ATP8A2: variants seen among roughly 807,000 people sequenced by gnomAD.
ATP8A2 encodes ATPase phospholipid transporting 8A2.
Under a neutral mutation model 165.6 loss-of-function variants are expected in ATP8A2, and 100 were observed. That is an observed-to-expected ratio of 0.60 (90% CI 0.51 to 0.71). The LOEUF (loss-of-function observed/expected upper bound fraction) is 0.71, where lower values mean the gene tolerates loss of function less well. ATP8A2 is among the 30% of genes least tolerant of loss of function. ATP8A2 has a pLI of 0.00. For missense variants in ATP8A2, 1,227 were observed against 1,479.5 expected (o/e 0.83, Z 2.80); for synonymous variants, 543 against 548.8 (o/e 0.99, Z 0.15).
intron 1 of ATP8A2, among the ~76,000 whole-genome samples, chr13:25,404,427 G>A (rs903136757): frequency 2.0e-5 from 3 of 152,154 alleles, no homozygotes; most frequent in Admixed American, 1.3e-4. Flanking sequence ...GGATGTGACC[G>A]TGCCACAATG....
At chr13:26,015,359 A>G (rs759240528) in intron 36 of ATP8A2, among the ~76,000 whole-genome samples, 4 of 152,166 alleles carry the variant, frequency 2.6e-5, no homozygotes, top group Non-Finnish European at 4.4e-5. Flanking sequence ...TGTCCAGGAA[A>G]CTAGCAGGAA....
chr13:25,511,428 C>G (rs1319073770), intron 2 of ATP8A2, among the ~76,000 whole-genome samples: 1 of 152,222 alleles, frequency 6.6e-6, no homozygotes, highest in Non-Finnish European at 1.5e-5. Context: ...CCAGAACTTT[C>G]TCACTGCTTT....
rs532091861 is a variant in ATP8A2 at position 25,908,053 on chromosome 13, T to C, written c.3183+45645T>C. ...AAAAGTTCGGTGATGACAAATGAAC[T>C]CTACAGTCTGGCATCTACCCTAGCA... On this transcript the variant is annotated intron_variant, in intron 33 of 36. Coordinates refer to ENST00000381655, the MANE Select transcript of ATP8A2 (RefSeq NM_016529.6). Among the ~76,000 whole-genome samples the C allele has an allele frequency of 1.8e-4, 28 of 152,336 alleles. No homozygotes were observed. The South Asian group carries it at 5.6e-3, about 30-fold the overall frequency.
chr13:25,713,561 T>C (rs912326531), intron 25 of ATP8A2, among the ~76,000 whole-genome samples: 2 of 152,208 alleles, frequency 1.3e-5, no homozygotes, highest in Non-Finnish European at 1.5e-5. Context: ...AAGTCTTTCT[T>C]GAATCTAGTA....
At chr13:25,896,841 G>C (rs1308016193) in intron 33 of ATP8A2, among the ~76,000 whole-genome samples, 8 of 152,084 alleles carry the variant, frequency 5.3e-5, no homozygotes, top group Non-Finnish European at 1.2e-4. Context: ...TTTTATCAGA[G>C]ACTAGGATTG....
At chr13:25,526,487 C>A (rs2037845164) in intron 2 of ATP8A2, among the ~76,000 whole-genome samples, 1 of 152,174 alleles carries the variant, frequency 6.6e-6, no homozygotes, top group African/African-American at 2.4e-5. Context: ...TGTTGAATTT[C>A]TTTCTTTTCC....
chr13:25,372,572 T>TGTGCGCGTGCC lies in ATP8A2; in HGVS notation c.76+284_76+285insGTGCGCGTGCC. ...CAGATGTGTGTGTGTGTGTGCGGCC[T>TGTGCGCGTGCC]CCCTGTGCGCGTGCCCGTGCGCCCC... On this transcript the variant is annotated intron_variant, in intron 1 of 36. Coordinates refer to ENST00000381655, the MANE Select transcript of ATP8A2 (RefSeq NM_016529.6). This position sits in a 1 kb window ranked among gnomAD's most constrained non-coding sequence, Gnocchi z 4.8. Among the ~76,000 whole-genome samples the TGTGCGCGTGCC allele has an allele frequency of 6.6e-6, 1 of 152,110 alleles. No individual in the cohort carries two copies. Among genetic ancestry groups the TGTGCGCGTGCC allele is most frequent in the Non-Finnish European group, 1.5e-5 (1 of 68,012 alleles).
chr13:25,744,605 A>G (rs567661178), intron 25 of ATP8A2, among the ~76,000 whole-genome samples: 3 of 152,320 alleles, frequency 2.0e-5, no homozygotes, highest in African/African-American at 7.2e-5. Context: ...TGATAATTAG[A>G]TTGGGAGCAA....
At chr13:25,702,766 A>G (rs755259148) in intron 25 of ATP8A2, among the ~76,000 whole-genome samples, 11 of 152,318 alleles carry the variant, frequency 7.2e-5, no homozygotes, top group Admixed American at 2.0e-4. Flanking sequence ...CACATGCAGC[A>G]GACTCCCTTT....
Position 25,473,118 on chromosome 13 carries a change from C to G in ATP8A2, c.221+3997C>G, listed in dbSNP as rs2035893586. ...GAGGTCCATTGTGGCCTCAGCACCC[C>G]CAGGGGTATGCACTACATGAGAACT... On this transcript the variant is annotated intron_variant, in intron 2 of 36. Coordinates refer to ENST00000381655, the MANE Select transcript of ATP8A2 (RefSeq NM_016529.6). Among the ~76,000 whole-genome samples the G allele has an allele frequency of 5.9e-5, 9 of 152,228 alleles. 2 individuals are homozygous for G. The South Asian group carries it at 1.9e-3, about 32-fold the overall frequency.
intron 25 of ATP8A2, 97 bp from the exon 26 acceptor site, chr13:25,768,949 G>A (rs928458257): frequency 6.1e-5 from 71 of 1,165,228 alleles, no homozygotes; most frequent in East Asian, 1.4e-4. Flanking sequence ...TTTGGAGATC[G>A]TCCAGTAACT....
chr13:25,429,140 G>C (rs1448229091), intron 1 of ATP8A2, among the ~76,000 whole-genome samples: 2 of 152,118 alleles, frequency 1.3e-5, no homozygotes, highest in Non-Finnish European at 2.9e-5. Flanking sequence ...GGCCGAGGCG[G>C]TTGGATCACC....
At chr13:25,465,712 TTTC>T (rs1415976128) in intron 1 of ATP8A2, among the ~76,000 whole-genome samples, 218 of 12,088 alleles carry the variant, frequency 0.018, 1 homozygote, top group Non-Finnish European at 0.04. Flanking sequence ...TCTTTCTTTC[TTTC>T]TTTCTTTCTT....
intron 1 of ATP8A2, among the ~76,000 whole-genome samples, chr13:25,435,519 G>T (rs543303362): frequency 6.6e-6 from 1 of 152,156 alleles, no homozygotes; most frequent in African/African-American, 2.4e-5. Flanking sequence ...CATAATCTTC[G>T]TAGGTTCTTT....
At chr13:25,812,096 C>G (rs217888) in intron 27 of ATP8A2, among the ~76,000 whole-genome samples, 2 of 152,012 alleles carry the variant, frequency 1.3e-5, no homozygotes, top group Non-Finnish European at 2.9e-5. Flanking sequence ...CTTTAAATTA[C>G]GTAAATAATG....
intron 33 of ATP8A2, among the ~76,000 whole-genome samples, chr13:25,871,626 A>G (rs1361107771): frequency 6.6e-6 from 1 of 152,226 alleles, no homozygotes; most frequent in African/African-American, 2.4e-5. Context: ...TGTGGACAGT[A>G]TCTGAGAGGC....
At chr13:25,404,036 G>T (rs914771369) in intron 1 of ATP8A2, among the ~76,000 whole-genome samples, 6 of 152,180 alleles carry the variant, frequency 3.9e-5, no homozygotes, top group African/African-American at 1.4e-4. Context: ...TAAGTGCTGA[G>T]GATGTACTGG....
chr13:25,779,115 T>C (rs1280066671), intron 27 of ATP8A2, among the ~76,000 whole-genome samples: 1 of 140,356 alleles, frequency 7.1e-6, no homozygotes, highest in South Asian at 2.3e-4. Context: ...CATTTTAAGA[T>C]GCTAAAAAAA....
At chr13:25,642,677 C>G (rs79082730) in intron 24 of ATP8A2, among the ~76,000 whole-genome samples, 1 of 151,652 alleles carries the variant, frequency 6.6e-6, no homozygotes, top group Admixed American at 6.6e-5. Flanking sequence ...TTGTGTAAGA[C>G]CATTTGACTA....
Sources: gnomAD v4.1 joint callset for allele counts (sites outside exome capture counted in the v4.1 genomes callset) on GRCh38, gnomAD v4.1.1 for gene constraint, Gnocchi (gnomAD v3.1) non-coding constraint, MANE v1.5 for transcripts, NCBI Gene and HGNC (gene_info 2026-07-23, HGNC 2026-07-21) for gene names.